SMIM13: variants seen among roughly 807,000 people sequenced by gnomAD.
SMIM13 encodes the protein UPF0766 protein C6orf228.
Under a neutral mutation model 5.9 loss-of-function variants are expected in SMIM13, and 3 were observed. That is an observed-to-expected ratio of 0.51 (90% CI 0.23 to 1.31). SMIM13 has a LOEUF of 1.31. Among genes scored for constraint, SMIM13 ranks in the 40% most tolerant of loss-of-function variants. The pLI, the probability that SMIM13 is intolerant of heterozygous loss-of-function variation, is 0.18. For missense variants in SMIM13, 85 were observed against 109.9 expected (o/e 0.77, Z 1.01); for synonymous variants, 55 against 46.0 (o/e 1.19, Z -0.79).
intron 1 of SMIM13, among the ~76,000 whole-genome samples, chr6:11,133,426 A>C (rs1480820163): frequency 6.6e-6 from 1 of 152,164 alleles, no homozygotes; most frequent in Non-Finnish European, 1.5e-5. Flanking sequence ...AACTCCCCTT[A>C]CGTATCTGTT....
chr6:11,105,505 C>G (rs1758072384), intron 1 of SMIM13: 4 of 563,834 alleles, frequency 7.1e-6, no homozygotes, highest in Non-Finnish European at 1.3e-5. Context: ...AATTTTAGAT[C>G]TTCCAGTGCC....
Position 11,107,725 on chromosome 6 carries a change from A to C in SMIM13, c.76+13336A>C, listed in dbSNP as rs142578981. Among the ~76,000 whole-genome samples the C allele has an allele frequency of 1.8e-4, 27 of 152,328 alleles. No individual in the cohort carries two copies. The East Asian group carries it at 5.2e-3, about 29-fold the overall frequency. On this transcript the variant is annotated intron_variant, in intron 1 of 1. Coordinates refer to ENST00000416247, the MANE Select transcript of SMIM13 (RefSeq NM_001135575.2). ...TTGGGTGTATTGGGACTACTGCCTCATTTATGATTCTCAGGTCCTGGACTA... is the reference window on the plus strand; with the variant it reads ...TTGGGTGTATTGGGACTACTGCCTCCTTTATGATTCTCAGGTCCTGGACTA...
At chr6:11,131,706 C>G (rs1758451561) in intron 1 of SMIM13, among the ~76,000 whole-genome samples, 1 of 152,046 alleles carries the variant, frequency 6.6e-6, no homozygotes, top group Non-Finnish European at 1.5e-5. Flanking sequence ...ACAAATGATC[C>G]TGGAACAGCT....
At chr6:11,119,514 C>T (rs1226576830) in intron 1 of SMIM13, among the ~76,000 whole-genome samples, 16 of 152,000 alleles carry the variant, frequency 1.1e-4, no homozygotes, top group Admixed American at 3.3e-4. Flanking sequence ...ATTAGCCAGG[C>T]GTGGTGGCGG....
rs1010644878 is a variant in SMIM13, at chr6:11,134,568, C to G, written c.242C>G (p.Ala81Gly). 44 of 1,548,828 alleles carry G rather than the reference C, an allele frequency of 2.8e-5. No homozygotes were observed. Among genetic ancestry groups the G allele is most frequent in the Non-Finnish European group, 3.7e-5 (42 of 1,145,516 alleles). ...ATCAGATCCGCTCGCCAAAGGAGGG[C>G]ACCTGCTGATGAAGGCCACAGACCC... ...HRIRSARQRR[A>G]PADEGHRPLT Residue 81 changes from alanine (A) to glycine (G), a missense_variant, in exon 2 of 2, where the codon GCA (alanine) becomes GGA (glycine). Coordinates refer to ENST00000416247, the MANE Select transcript of SMIM13 (RefSeq NM_001135575.2).
intron 1 of SMIM13, chr6:11,103,522 C>T (rs1258801046): frequency 2.1e-6 from 2 of 955,514 alleles, no homozygotes; most frequent in Non-Finnish European, 2.9e-6. Context: ...TTAACTGCTT[C>T]CTGCTGACAG....
At chr6:11,129,076 A>AGGG (rs750106583) in intron 1 of SMIM13, among the ~76,000 whole-genome samples, 7 of 121,520 alleles carry the variant, frequency 5.8e-5, no homozygotes, top group South Asian at 3.2e-4. Flanking sequence ...TGCTACCGGG[A>AGGG]GCGGGGGGGG....
At chr6:11,126,370 C>T (rs547173190) in intron 1 of SMIM13, among the ~76,000 whole-genome samples, 4 of 152,218 alleles carry the variant, frequency 2.6e-5, no homozygotes, top group South Asian at 2.1e-4. Context: ...TTTCAAATAG[C>T]CTGTCTTCAA....
intron 1 of SMIM13, among the ~76,000 whole-genome samples, chr6:11,132,201 G>A (rs1758458011): frequency 6.6e-6 from 1 of 152,148 alleles, no homozygotes; most frequent in South Asian, 2.1e-4. Context: ...TGAGGGAAAT[G>A]CAAATCAAAG....
intron 1 of SMIM13, among the ~76,000 whole-genome samples, chr6:11,130,073 T>C (rs78620760): frequency 0.028 from 4,271 of 152,236 alleles, 74 homozygotes; most frequent in South Asian, 0.073. Context: ...GGAAACACCC[T>C]GTCTTCCTGT....
rs1758519517 is a variant in SMIM13, at chr6:11,136,540, C to G, written c.*1938C>G. 6.6e-6 allele frequency: 1 copy of G among 152,000 alleles called. No individual in the cohort carries two copies. Among genetic ancestry groups the G allele is most frequent in the Non-Finnish European group, 1.5e-5 (1 of 67,998 alleles). 9.4% of individuals were successfully genotyped at this position (152,000 alleles called of 1,614,324 possible). A position where few individuals can be genotyped will look rare whatever the true frequency, so the allele number is the denominator to read the frequency against. On this transcript the variant is annotated 3_prime_UTR_variant, in exon 2 of 2. Coordinates refer to ENST00000416247, the MANE Select transcript of SMIM13 (RefSeq NM_001135575.2). The stretch of plus-strand genomic sequence containing the variant: ...TTGCTTAGAGTTTTGTTTAACAGTT[C>G]ACTGGCTCTGTCCCAATGTTTGTGA...
chr6:11,123,532 C>T (rs1040809688), intron 1 of SMIM13, among the ~76,000 whole-genome samples: 1 of 152,106 alleles, frequency 6.6e-6, no homozygotes, highest in African/African-American at 2.4e-5. Flanking sequence ...ATTTTGAGCC[C>T]TATTAGCAGC....
In SMIM13 at chr6:11,137,873, G is replaced by T. The variant is rs1758535492; in HGVS notation, c.*3271G>T. The stretch of plus-strand genomic sequence containing the variant: ...GAAACAAACATATTGCTGTGCGGTG[G>T]ACAGCCACTTCACAGACATGCAGAC... On this transcript the variant is annotated 3_prime_UTR_variant, in exon 2 of 2. Transcript: ENST00000416247. The T allele has an allele frequency of 6.6e-6, 1 of 152,122 alleles. No homozygotes were observed. Among genetic ancestry groups the T allele is most frequent in the South Asian group, 2.1e-4 (1 of 4,830 alleles). 9.4% of individuals were successfully genotyped at this position (152,122 alleles called of 1,614,324 possible).
rs145722171 is a variant in SMIM13, at chr6:11,099,182, C to CT, written c.76+4804dup. 6.2e-3 allele frequency among the ~76,000 whole-genome samples: 910 copies of CT among 147,774 alleles called. 3 individuals are homozygous for CT. Among genetic ancestry groups the CT allele is most frequent in the South Asian group, 0.025 (116 of 4,676 alleles). On this transcript the variant is annotated intron_variant, in intron 1 of 1. Transcript: ENST00000416247. ...TGAGACCCAGGCTCAATGCATCAGA[C>CT]TTTTTTTTTTTGAGACGGAGTCTAG...
intron 1 of SMIM13, among the ~76,000 whole-genome samples, chr6:11,099,607 A>C (rs1290955371): frequency 1.3e-5 from 2 of 152,222 alleles, no homozygotes; most frequent in Non-Finnish European, 2.9e-5. Context: ...GTAGACACTC[A>C]ATAAACATTT....
At chr6:11,101,377 T>C (rs1757988935) in intron 1 of SMIM13, among the ~76,000 whole-genome samples, 1 of 152,202 alleles carries the variant, frequency 6.6e-6, no homozygotes, top group East Asian at 1.9e-4. Context: ...CACAAATAAT[T>C]CAGGAATACT....
chr6:11,100,043 TG>T (rs1290726367), intron 1 of SMIM13, among the ~76,000 whole-genome samples: 1 of 152,092 alleles, frequency 6.6e-6, no homozygotes, highest in Non-Finnish European at 1.5e-5. Context: ...TTTGGTACAT[TG>T]TTTTTTTGTT....
At position 11,138,040 on chromosome 6, in the gene SMIM13, AAG is replaced by A. The variant is rs1296499439; in HGVS notation, c.*3441_*3442del. 1 of 152,264 alleles carries A rather than the reference AAG, an allele frequency of 6.6e-6. No homozygotes were observed. Among genetic ancestry groups the A allele is most frequent in the East Asian group, 1.9e-4 (1 of 5,192 alleles). 9.4% of individuals were successfully genotyped at this position (152,264 alleles called of 1,614,324 possible). A position where few individuals can be genotyped will look rare whatever the true frequency, so the allele number is the denominator to read the frequency against. ...TTGAAAGTGGTGCATTTTTACTTTT[AAG>A]AGCAGCAATCTTTGAAATTAGTCAA... On this transcript the variant is annotated 3_prime_UTR_variant, in exon 2 of 2. Transcript: ENST00000416247.
At chr6:11,102,452 A>G (rs567162246) in intron 1 of SMIM13, 164 of 152,332 alleles carry the variant, frequency 1.1e-3, no homozygotes, top group African/African-American at 3.8e-3. Flanking sequence ...TTTTCCTACA[A>G]TCTGCAAAGA....
Sources: allele counts gnomAD v4.1 joint callset (sites outside exome capture counted in the v4.1 genomes callset), GRCh38; gene constraint gnomAD v4.1.1; transcripts MANE v1.5; gene names NCBI Gene and HGNC (gene_info 2026-07-23, HGNC 2026-07-21).